RPS6KC1: variants seen among roughly 807,000 people sequenced by gnomAD.
The protein encoded by RPS6KC1 is ribosomal protein S6 kinase C1.
Under a neutral mutation model 103.8 loss-of-function variants are expected in RPS6KC1, and 54 were observed. That is an observed-to-expected ratio of 0.52 (90% confidence interval 0.42 to 0.65). The LOEUF (loss-of-function observed/expected upper bound fraction) is 0.65. Among genes scored for constraint, RPS6KC1 ranks in the 30% least tolerant of loss-of-function variants. The pLI is 0.00. For synonymous variants in RPS6KC1, 439 were observed against 438.7 expected (o/e 1.00, Z -0.01); for missense variants, 1,151 against 1,253.8 (o/e 0.92, Z 1.24).
At chr1:213,181,307 C>T (rs1172944037) in intron 8 of RPS6KC1, among the ~76,000 whole-genome samples, 4 of 152,192 alleles carry the variant, frequency 2.6e-5, no homozygotes, top group South Asian at 2.1e-4. Flanking sequence ...TGCAAGTCAT[C>T]GTTATAAGAG....
the RPS6KC1 span, among the ~76,000 whole-genome samples, chr1:213,728,037 G>A: frequency 6.6e-6 from 1 of 152,206 alleles, no homozygotes; most frequent in Non-Finnish European, 1.5e-5. Flanking sequence ...CCAGGATGCA[G>A]TGGCTGTATG....
At chr1:213,630,928 C>A in the RPS6KC1 span, among the ~76,000 whole-genome samples, 1 of 152,178 alleles carries the variant, frequency 6.6e-6, no homozygotes, top group South Asian at 2.1e-4. Context: ...TCTGATTGTT[C>A]CTCTGGAAGT....
At chr1:213,806,063 C>T in the RPS6KC1 span, among the ~76,000 whole-genome samples, 728 of 152,256 alleles carry the variant, frequency 4.8e-3, 7 homozygotes, top group African/African-American at 0.017. Context: ...CCAGGCATGG[C>T]GGCTCATGCC....
intron 3 of RPS6KC1, among the ~76,000 whole-genome samples, chr1:213,097,268 C>T (rs576895372): frequency 4.6e-5 from 7 of 152,162 alleles, no homozygotes; most frequent in African/African-American, 1.7e-4. Flanking sequence ...ACAGGAGAAT[C>T]ACTTGAACCT....
chr1:213,487,424 G>A, the RPS6KC1 span, among the ~76,000 whole-genome samples: 2 of 151,960 alleles, frequency 1.3e-5, no homozygotes, highest in Non-Finnish European at 2.9e-5. Flanking sequence ...AACTACAATA[G>A]TTTTCTCCGT....
At chr1:213,753,920 G>C in the RPS6KC1 span, among the ~76,000 whole-genome samples, 1 of 152,162 alleles carries the variant, frequency 6.6e-6, no homozygotes, top group Admixed American at 6.5e-5. Context: ...GCAAGCGCTG[G>C]AGAAGGCTGG....
rs560087034 is a variant in RPS6KC1 at position 213,071,952 on chromosome 1, CTTG to C, written c.141+916_141+918del. On this transcript the variant is annotated intron_variant, in intron 2 of 14. Transcript: ENST00000366960. The stretch of plus-strand genomic sequence containing the variant: ...ATTCTCTATTTGTATTTACTTTGTG[CTTG>C]TTGTGTATCTTTAGGAATCCTTACT... 1.9e-3 allele frequency among the ~76,000 whole-genome samples: 286 copies of C among 151,426 alleles called. 1 individual carries two copies. Among genetic ancestry groups the C allele is most frequent in the African/African-American group, 6.7e-3 (275 of 41,196 alleles).
At chr1:213,697,663 A>G in the RPS6KC1 span, among the ~76,000 whole-genome samples, 2 of 152,206 alleles carry the variant, frequency 1.3e-5, no homozygotes, top group Non-Finnish European at 2.9e-5. Flanking sequence ...CTAAGTCTTC[A>G]GAGGAACTCT....
chr1:213,732,679 G>A, the RPS6KC1 span, among the ~76,000 whole-genome samples: 1 of 152,190 alleles, frequency 6.6e-6, no homozygotes, highest in Non-Finnish European at 1.5e-5. Flanking sequence ...GGGAGTAGTT[G>A]ATGTGATATA....
the RPS6KC1 span, among the ~76,000 whole-genome samples, chr1:213,791,202 G>A: frequency 6.6e-6 from 1 of 152,064 alleles, no homozygotes; most frequent in African/African-American, 2.4e-5. Flanking sequence ...GCCAGAACTA[G>A]AAATTCTAAG....
the RPS6KC1 span, among the ~76,000 whole-genome samples, chr1:213,454,798 C>T: frequency 1.3e-4 from 20 of 152,206 alleles, no homozygotes; most frequent in African/African-American, 4.8e-4. Context: ...TGCCCTCTGG[C>T]TGGTGTTGTC....
chr1:213,494,385 A>G, the RPS6KC1 span, among the ~76,000 whole-genome samples: 1 of 152,126 alleles, frequency 6.6e-6, no homozygotes, highest in Non-Finnish European at 1.5e-5. Flanking sequence ...AGAACAATTC[A>G]ACATGAATAA....
the RPS6KC1 span, chr1:213,819,897 T>C: frequency 1.3e-5 from 2 of 152,216 alleles, no homozygotes; most frequent in Non-Finnish European, 2.9e-5. Context: ...TTAAGTCATT[T>C]TTTAATAAGA....
the RPS6KC1 span, among the ~76,000 whole-genome samples, chr1:213,548,750 G>A: frequency 6.6e-6 from 1 of 152,202 alleles, no homozygotes; most frequent in Non-Finnish European, 1.5e-5. Flanking sequence ...GGGACACACA[G>A]GTATTAGTAA....
At chr1:213,728,749 C>CT in the RPS6KC1 span, among the ~76,000 whole-genome samples, 1 of 152,040 alleles carries the variant, frequency 6.6e-6, no homozygotes, top group Non-Finnish European at 1.5e-5. Flanking sequence ...GCAATTCTGG[C>CT]TTCTGCCAAT....
intron 10 of RPS6KC1, among the ~76,000 whole-genome samples, chr1:213,239,766 T>G (rs1431178409): frequency 6.6e-6 from 1 of 152,210 alleles, no homozygotes; most frequent in African/African-American, 2.4e-5. Context: ...AGTTACTGCT[T>G]TTGAGATTTC....
At chr1:213,379,278 C>G in the RPS6KC1 span, among the ~76,000 whole-genome samples, 2 of 152,116 alleles carry the variant, frequency 1.3e-5, no homozygotes, top group African/African-American at 4.8e-5. Flanking sequence ...GAAATAGAGT[C>G]ATTACAGATA....
At chr1:213,706,541 C>A in the RPS6KC1 span, among the ~76,000 whole-genome samples, 1 of 151,992 alleles carries the variant, frequency 6.6e-6, no homozygotes. Context: ...TGAGTTCTCA[C>A]CTGATTTTTA....
rs375101921 is a variant in RPS6KC1, at chr1:213,111,417, A to T, written c.379-5900A>T. On this transcript the variant is annotated intron_variant, in intron 4 of 14. Transcript: ENST00000366960. The stretch of plus-strand genomic sequence containing the variant: ...AGAAGTTTAAAATTAGGATTGTGGC[A>T]TTATTTTACTGCTACATCCCTCTAG... Among the ~76,000 whole-genome samples the T allele has an allele frequency of 2.0e-5, 3 of 152,158 alleles. No individual in the cohort carries two copies. The East Asian group carries it at 5.8e-4, about 29-fold the overall frequency.
Sources: gnomAD v4.1 joint callset for allele counts (sites outside exome capture counted in the v4.1 genomes callset) on GRCh38, gnomAD v4.1.1 for gene constraint, MANE v1.5 for transcripts, NCBI Gene and HGNC (gene_info 2026-07-23, HGNC 2026-07-21) for gene names.